Variants in MAPRE2 observed in about 807,000 individuals in gnomAD.
MAPRE2 encodes the protein microtubule-associated protein RP/EB family member 2.
In MAPRE2, 13 loss-of-function variants were observed where a neutral mutation model predicts 43.2. That is an observed-to-expected ratio of 0.30 (90% CI 0.20 to 0.48). The LOEUF is 0.48. MAPRE2 is among the 20% of genes least tolerant of loss of function. The pLI, the probability that MAPRE2 is intolerant of heterozygous loss-of-function variation, is 0.99. For synonymous variants in MAPRE2, 135 were observed against 148.8 expected (o/e 0.91, Z 0.68); for missense variants, 161 against 400.2 (o/e 0.40, Z 5.10).
intron 1 of MAPRE2, among the ~76,000 whole-genome samples, chr18:35,000,866 G>A (rs904221965): frequency 2.0e-5 from 3 of 152,096 alleles, no homozygotes; most frequent in African/African-American, 4.8e-5. Flanking sequence ...AAATTCTGTC[G>A]TTATTTAGTG....
intron 2 of MAPRE2, among the ~76,000 whole-genome samples, chr18:35,023,516 A>T (rs975052902): frequency 6.1e-5 from 9 of 148,090 alleles, no homozygotes; most frequent in African/African-American, 1.2e-4. Context: ...CTTCGCAAAA[A>T]ATATATATAT....
chr18:35,124,231 C>T (rs1325919530), intron 4 of MAPRE2, among the ~76,000 whole-genome samples: 1 of 152,060 alleles, frequency 6.6e-6, no homozygotes, highest in Non-Finnish European at 1.5e-5. Context: ...CTTCACACGG[C>T]AGCAGGAAGG....
At chr18:35,055,166 C>T (rs769018975) in intron 1 of MAPRE2, among the ~76,000 whole-genome samples, 1 of 152,166 alleles carries the variant, frequency 6.6e-6, no homozygotes, top group Non-Finnish European at 1.5e-5. Flanking sequence ...ACAAACCGGG[C>T]GGCTTCAAAT....
intron 3 of MAPRE2, among the ~76,000 whole-genome samples, chr18:35,098,354 A>G (rs1908520627): frequency 6.6e-6 from 1 of 152,226 alleles, no homozygotes; most frequent in Admixed American, 6.5e-5. Flanking sequence ...GGAGAAATGG[A>G]AAACTGTTCT....
chr18:35,086,477 A>AAGG (rs1355532931), intron 2 of MAPRE2, among the ~76,000 whole-genome samples: 2 of 152,042 alleles, frequency 1.3e-5, no homozygotes, highest in African/African-American at 4.8e-5. Context: ...ATAAATAGAA[A>AAGG]AGGTATAGCT....
chr18:35,028,437 A>G (rs921241266), intron 2 of MAPRE2, among the ~76,000 whole-genome samples: 1 of 152,212 alleles, frequency 6.6e-6, no homozygotes, highest in Non-Finnish European at 1.5e-5. Flanking sequence ...TTCTATGCAA[A>G]ATATAGTAAA....
chr18:35,131,887 C>T (rs1910165300), intron 5 of MAPRE2, 145 bp from the exon 6 acceptor site: 5 of 756,868 alleles, frequency 6.6e-6, no homozygotes, highest in Non-Finnish European at 1.1e-5. Context: ...AGACAACAGC[C>T]CTGTTGTTTC....
At chr18:35,122,845 C>T (rs903819820) in intron 4 of MAPRE2, among the ~76,000 whole-genome samples, 4 of 152,302 alleles carry the variant, frequency 2.6e-5, no homozygotes, top group African/African-American at 4.8e-5. Context: ...ATTTTAGGGC[C>T]GAGACTCTGC....
chr18:35,097,306 T>C (rs1215009773), intron 2 of MAPRE2, 140 bp from the exon 3 acceptor site: 6 of 714,126 alleles, frequency 8.4e-6, no homozygotes, highest in Non-Finnish European at 1.2e-5. Flanking sequence ...CAAGGAGATA[T>C]AAGCGCATTG....
rs1479821753 is a variant in MAPRE2, at chr18:35,041,673, G to A, written c.122+12G>A. The stretch of plus-strand genomic sequence containing the variant: ...GAGCGTTCCTACAGGTAATGGGGCT[G>A]GCACGAGAGCAGCGCCGGGGACCGC... On this transcript the variant is annotated intron_variant, in intron 1 of 6. Transcript: ENST00000300249. 5 of 1,614,042 alleles carry A rather than the reference G, an allele frequency of 3.1e-6. No homozygotes were observed. The Admixed American group carries it at 8.3e-5, about 27-fold the overall frequency.
chr18:35,080,838 C>T (rs1907596201), intron 2 of MAPRE2, among the ~76,000 whole-genome samples: 1 of 151,778 alleles, frequency 6.6e-6, no homozygotes. Flanking sequence ...CACCCTGAAA[C>T]CATTACGTAA....
chr18:35,108,934 T>C (rs995483769), intron 4 of MAPRE2, among the ~76,000 whole-genome samples: 3 of 152,218 alleles, frequency 2.0e-5, no homozygotes, highest in African/African-American at 7.2e-5. Context: ...GCCTGTTCAC[T>C]CTGATGATAG....
chr18:35,097,603 G>C lies in MAPRE2; in HGVS notation c.396+12G>C. 6.2e-7 allele frequency: 1 copy of C among 1,602,934 alleles called. No homozygotes were observed. Among genetic ancestry groups the C allele is most frequent in the African/African-American group, 1.3e-5 (1 of 74,354 alleles). On this transcript the variant is annotated intron_variant, in intron 3 of 6. Transcript: ENST00000300249. ...TGAACGTTGATAAGGTAGGAGACTT[G>C]TACCTCCATAAAATGTGTTGTTTTT...
At chr18:35,027,802 GTCCT>G (rs1451677237) in intron 2 of MAPRE2, among the ~76,000 whole-genome samples, 1 of 152,170 alleles carries the variant, frequency 6.6e-6, no homozygotes, top group Non-Finnish European at 1.5e-5. Flanking sequence ...GGTTAGGTGG[GTCCT>G]TTCTAATCCA....
chr18:34,978,345 G>A, intron 1 of MAPRE2: 2 of 677,670 alleles, frequency 3.0e-6, no homozygotes, highest in Non-Finnish European at 5.2e-6. Context: ...GCACCGAAAC[G>A]GAAGAACTTC....
chr18:35,118,923 G>A (rs977450431), intron 4 of MAPRE2, among the ~76,000 whole-genome samples: 7 of 152,056 alleles, frequency 4.6e-5, no homozygotes, highest in African/African-American at 7.2e-5. Context: ...TTCCTCTCCT[G>A]CCTCAGGTCT....
chr18:35,127,383 G>C lies in MAPRE2; in HGVS notation c.750+296G>C, dbSNP rs1334219001. ...TCCTCAGGGCCGTCAAGAGCTCCAG[G>C]CTAGACCGTTGCCCATCCTGCCCAC... On this transcript the variant is annotated intron_variant, in intron 5 of 6. Transcript: ENST00000300249. The C allele has an allele frequency of 1.3e-5, 4 of 299,798 alleles. No homozygotes were observed. In the East Asian group the frequency reaches 2.9e-4, roughly 22 times the overall value. The allele number at this position is 299,798 out of a possible 1,614,324, so 18.6% of individuals were successfully genotyped here. A position where few individuals can be genotyped will look rare whatever the true frequency, so the allele number is the denominator to read the frequency against.
chr18:35,123,979 C>T (rs1470845970), intron 4 of MAPRE2, among the ~76,000 whole-genome samples: 1 of 152,126 alleles, frequency 6.6e-6, no homozygotes, highest in African/African-American at 2.4e-5. Flanking sequence ...GACAAAGTGA[C>T]ATCTGAGCTG....
At chr18:35,136,664 C>A (rs1326621023) in intron 6 of MAPRE2, among the ~76,000 whole-genome samples, 2 of 152,156 alleles carry the variant, frequency 1.3e-5, no homozygotes, top group Non-Finnish European at 2.9e-5. Context: ...CCACAGCTGG[C>A]AAGGTGGCAG....
Sources: allele counts gnomAD v4.1 joint callset (sites outside exome capture counted in the v4.1 genomes callset), GRCh38; gene constraint gnomAD v4.1.1; transcripts MANE v1.5; gene names NCBI Gene and HGNC (gene_info 2026-07-23, HGNC 2026-07-21).